TANK: variants seen among roughly 807,000 people sequenced by gnomAD.
The protein encoded by TANK is TRAF family member associated NFKB activator.
Under a neutral mutation model 43.6 loss-of-function variants are expected in TANK, and 15 were observed. The ratio of observed to expected loss-of-function variants is 0.34; its 90% CI spans 0.23 to 0.53. The LOEUF (loss-of-function observed/expected upper bound fraction) is 0.53, where lower values mean the gene tolerates loss of function less well. Among genes scored for constraint, TANK ranks in the 20% least tolerant of loss-of-function variants. The probability of loss-of-function intolerance (pLI) is 0.94; values close to 1 mark genes in which losing one functional copy is unlikely to be tolerated. For missense variants in TANK, 417 were observed against 498.6 expected (o/e 0.84, Z 1.56); for synonymous variants, 162 against 178.2 (o/e 0.91, Z 0.73).
chr2:161,193,751 A>G (rs997645403), intron 2 of TANK, among the ~76,000 whole-genome samples: 8 of 152,146 alleles, frequency 5.3e-5, no homozygotes, highest in Non-Finnish European at 1.2e-4. Flanking sequence ...TCTTTTAATG[A>G]TGTTGTCCAG....
intron 2 of TANK, among the ~76,000 whole-genome samples, chr2:161,193,668 CCAAATCA>C (rs1416920978): frequency 1.3e-5 from 2 of 152,330 alleles, no homozygotes; most frequent in African/African-American, 4.8e-5. Context: ...TTTCCCTCTC[CCAAATCA>C]CAATGGCTGC....
Position 161,203,589 on chromosome 2 carries a change from A to T in TANK, c.202A>T (p.Thr68Ser), listed in dbSNP as rs375493285. The change falls in exon 3 of 8, where the codon ACT becomes TCT. Residue 68 changes from threonine (T) to serine (S), a missense_variant. Coordinates refer to ENST00000392749, the MANE Select transcript of TANK (RefSeq NM_001199135.3). ...ATCTCAGTTACTTCTTGTGAATTCC[A>T]CTCAAGGTATGTTCATGTTAATTTT... The part of the protein sequence containing the change: ...LKSQLLLVNS[T>S]QDNNYGCVPL... The T allele has an allele frequency of 2.8e-5, 44 of 1,599,088 alleles. No individual in the cohort carries two copies. Among genetic ancestry groups the T allele is most frequent in the Non-Finnish European group, 3.5e-5 (41 of 1,169,160 alleles).
intron 4 of TANK, chr2:161,208,080 G>A (rs956399105): frequency 1.2e-4 from 109 of 888,166 alleles, no homozygotes; most frequent in Middle Eastern, 5.7e-4. Flanking sequence ...TTTGGTGGGT[G>A]GTTTGAGGAT....
intron 1 of TANK, among the ~76,000 whole-genome samples, chr2:161,178,054 T>C (rs1354167273): frequency 3.3e-5 from 5 of 152,150 alleles, no homozygotes; most frequent in African/African-American, 1.2e-4. Flanking sequence ...GGAACCCTTA[T>C]ACAATGCTAG....
intron 4 of TANK, among the ~76,000 whole-genome samples, chr2:161,217,482 A>C (rs896231255): frequency 2.0e-5 from 3 of 152,106 alleles, no homozygotes. Flanking sequence ...GGACAAAACC[A>C]TAGAAAACTG....
chr2:161,156,221 T>G (rs1684222560), upstream of TANK: 2 of 985,452 alleles, frequency 2.0e-6, no homozygotes, highest in Non-Finnish European at 2.4e-6. Context: ...CAGTCATATT[T>G]TGGAAGAGTT....
Position 161,231,052 on chromosome 2 carries a change from A to G in TANK, c.602A>G (p.Asp201Gly). ...CTGTTTAAGCCTCAGGCTAAAGATG[A>G]TATAAATAGAGGTGCACCATCCATC... Reference protein sequence around the residue: ...EALFKPQAKDDINRGAPSITS... With the variant: ...EALFKPQAKDGINRGAPSITS... Residue 201 changes from aspartate to glycine, a missense_variant, in exon 7 of 8, where the codon GAT becomes GGT. Physicochemically the swap from Asp to Gly is moderately conservative, Grantham distance 94. Transcript: ENST00000392749. 1 of 1,614,202 alleles carries G rather than the reference A, an allele frequency of 6.2e-7. No individual in the cohort carries two copies. The highest frequency in any genetic ancestry group is 8.5e-7 in the Non-Finnish European group (1 of 1,180,030).
chr2:161,154,529 A>G (rs1385821126), intron 1 of TANK, among the ~76,000 whole-genome samples: 1 of 152,196 alleles, frequency 6.6e-6, no homozygotes, highest in Non-Finnish European at 1.5e-5. Context: ...TGAAACTATG[A>G]GTTGATGGTG....
At chr2:161,221,820 A>G (rs1031545234) in intron 4 of TANK, among the ~76,000 whole-genome samples, 5 of 152,126 alleles carry the variant, frequency 3.3e-5, no homozygotes, top group Non-Finnish European at 5.9e-5. Context: ...ACAACCAGTA[A>G]TACTTTTTTC....
rs1685361891 is a variant in TANK, at chr2:161,180,274, C to T, written c.99+513C>T. On this transcript the variant is annotated intron_variant, in intron 2 of 7. Coordinates refer to ENST00000392749, the MANE Select transcript of TANK (RefSeq NM_001199135.3). ...AATCTTTAATGACTTACTAAAGTTT[C>T]AGCTTTTACAATTATCCCTGTACAC... 3 of 281,868 alleles carry T rather than the reference C, an allele frequency of 1.1e-5. No individual in the cohort carries two copies. In the South Asian group the frequency reaches 4.1e-4, roughly 38 times the overall value. The allele number at this position is 281,868 out of a possible 1,614,324, so 17.5% of individuals were successfully genotyped here. A position where few individuals can be genotyped will look rare whatever the true frequency, so the allele number is the denominator to read the frequency against.
At chr2:161,199,709 T>C (rs1473140376) in intron 2 of TANK, among the ~76,000 whole-genome samples, 6 of 152,156 alleles carry the variant, frequency 3.9e-5, no homozygotes, top group African/African-American at 1.2e-4. Context: ...TGATCACCAG[T>C]GTTTTAAGTT....
intron 2 of TANK, among the ~76,000 whole-genome samples, chr2:161,190,689 A>G (rs1685874506): frequency 6.6e-6 from 1 of 152,202 alleles, no homozygotes; most frequent in South Asian, 2.1e-4. Flanking sequence ...GCTAAGTTAA[A>G]TCAGTCACAA....
At chr2:161,138,291 A>C (rs1395098296) in intron 1 of TANK, among the ~76,000 whole-genome samples, 1 of 152,188 alleles carries the variant, frequency 6.6e-6, no homozygotes, top group East Asian at 1.9e-4. Flanking sequence ...ACATTATTAT[A>C]ATAGCTGTCA....
intron 1 of TANK, among the ~76,000 whole-genome samples, chr2:161,154,943 C>G (rs1323654887): frequency 6.6e-6 from 1 of 152,014 alleles, no homozygotes; most frequent in Admixed American, 6.6e-5. Flanking sequence ...TGAATTTTCT[C>G]CATGTTGGCC....
At chr2:161,206,542 TAAG>T (rs1345904510) in intron 4 of TANK, among the ~76,000 whole-genome samples, 2 of 152,116 alleles carry the variant, frequency 1.3e-5, no homozygotes, top group Non-Finnish European at 1.5e-5. Context: ...AATTTTAGAA[TAAG>T]AAGTTCTCTT....
chr2:161,201,779 G>C (rs1349084896), intron 2 of TANK, among the ~76,000 whole-genome samples: 1 of 152,094 alleles, frequency 6.6e-6, no homozygotes, highest in Non-Finnish European at 1.5e-5. Context: ...AGGGGGTTGG[G>C]TGTGAATTTA....
chr2:161,230,934 A>C (rs1181509905), intron 6 of TANK, 37 bp from the exon 7 acceptor site: 1 of 1,489,570 alleles, frequency 6.7e-7, no homozygotes, highest in Non-Finnish European at 9.3e-7. Flanking sequence ...AATGATTTGA[A>C]TGCGGCTGTT....
intron 2 of TANK, among the ~76,000 whole-genome samples, chr2:161,195,825 A>G (rs1172500458): frequency 6.6e-6 from 1 of 152,190 alleles, no homozygotes; most frequent in Non-Finnish European, 1.5e-5. Flanking sequence ...TCATACCTGT[A>G]ATACTAGCAC....
intron 1 of TANK, among the ~76,000 whole-genome samples, chr2:161,138,988 A>G (rs1321663084): frequency 6.6e-6 from 1 of 152,170 alleles, no homozygotes; most frequent in African/African-American, 2.4e-5. Context: ...GTGTGTAGTA[A>G]AGGTACTTGA....
Sources: gnomAD v4.1 joint callset for allele counts (sites outside exome capture counted in the v4.1 genomes callset) on GRCh38, gnomAD v4.1.1 for gene constraint, MANE v1.5 for transcripts, NCBI Gene and HGNC (gene_info 2026-07-23, HGNC 2026-07-21) for gene names.